PIBF1: variants seen among roughly 807,000 people sequenced by gnomAD.
PIBF1 encodes progesterone immunomodulatory binding factor 1, also known as progesterone-induced-blocking factor 1.
A neutral mutation model predicts 112.5 loss-of-function variants in PIBF1; 90 were observed. That is an observed-to-expected ratio of 0.80 (90% confidence interval 0.67 to 0.95). The LOEUF is 0.95. PIBF1 is among the 40% of genes least tolerant of loss of function. The pLI is 0.00. For synonymous variants in PIBF1, 301 were observed against 288.6 expected, an observed-to-expected ratio of 1.04 and a Z score of -0.44; for missense variants, 915 against 852.3, an observed-to-expected ratio of 1.07 and a Z score of -0.92.
intron 2 of PIBF1, among the ~76,000 whole-genome samples, chr13:72,787,169 A>G (rs1159380823): frequency 6.6e-6 from 1 of 152,252 alleles, no homozygotes; most frequent in African/African-American, 2.4e-5. Flanking sequence ...AAACAGCACT[A>G]CACACATGAT....
chr13:72,832,160 C>T (rs932403248), intron 8 of PIBF1, among the ~76,000 whole-genome samples: 2 of 117,576 alleles, frequency 1.7e-5, no homozygotes, highest in East Asian at 6.1e-4. Context: ...CTATATGTGT[C>T]TTTGCAAATG....
chr13:72,965,613 G>A (rs1264327639), intron 15 of PIBF1, among the ~76,000 whole-genome samples: 1 of 152,098 alleles, frequency 6.6e-6, no homozygotes, highest in Non-Finnish European at 1.5e-5. Flanking sequence ...TCTTAGCATG[G>A]AAATAACAAT....
chr13:72,965,998 A>G (rs1038310578), intron 15 of PIBF1, among the ~76,000 whole-genome samples: 4 of 152,214 alleles, frequency 2.6e-5, no homozygotes, highest in African/African-American at 9.6e-5. Context: ...AAGAATGAAG[A>G]TATGTGTAAA....
chr13:72,878,944 G>A lies in PIBF1; in HGVS notation c.1323-14840G>A, dbSNP rs117280062. 8.1e-3 allele frequency among the ~76,000 whole-genome samples: 1,230 copies of A among 152,166 alleles called. 9 individuals are homozygous for A. The highest frequency in any genetic ancestry group is 0.027 in the Middle Eastern group (8 of 294). ...GCAAGCTACTCCCAGTTTCTTTTGAGTAGTGTTATAATGGTATATTTTTCT... is the reference window on the plus strand; with the variant it reads ...GCAAGCTACTCCCAGTTTCTTTTGAATAGTGTTATAATGGTATATTTTTCT... On this transcript the variant is annotated intron_variant, in intron 10 of 17. Transcript: ENST00000326291.
At chr13:73,002,396 A>G (rs1466004866) in intron 17 of PIBF1, among the ~76,000 whole-genome samples, 1 of 151,956 alleles carries the variant, frequency 6.6e-6, no homozygotes, top group Non-Finnish European at 1.5e-5. Context: ...CCCACTAATC[A>G]CCTACTTTCA....
chr13:72,928,016 C>CACACATATACATAT lies in PIBF1; in HGVS notation c.1731-3148_1731-3147insCACATATACATATA, dbSNP rs1566458475. Among the ~76,000 whole-genome samples the CACACATATACATAT allele has an allele frequency of 3.9e-3, 210 of 53,928 alleles. 7 individuals carry two copies. The highest frequency in any genetic ancestry group is 0.012 in the African/African-American group (184 of 15,524). The allele number at this position is 53,928 out of a possible 152,430, so 35.4% of individuals were successfully genotyped here. The stretch of plus-strand genomic sequence containing the variant: ...ACACACATATATATACATATATATA[C>CACACATATACATAT]ATATATATACATATATATATATATA... On this transcript the variant is annotated intron_variant, in intron 13 of 17. Transcript: ENST00000326291.
intron 5 of PIBF1, among the ~76,000 whole-genome samples, chr13:72,805,378 G>A (rs1337287055): frequency 1.3e-5 from 2 of 152,086 alleles, no homozygotes; most frequent in African/African-American, 2.4e-5. Flanking sequence ...TCCTGACCTC[G>A]TCATCCGCCC....
chr13:72,897,018 C>G (rs938338685), intron 11 of PIBF1, among the ~76,000 whole-genome samples: 1 of 152,032 alleles, frequency 6.6e-6, no homozygotes, highest in South Asian at 2.1e-4. Flanking sequence ...AAAGTTAAGA[C>G]GAAGGAAAGA....
rs200956787 is a variant in PIBF1 at position 72,835,277 on chromosome 13, C to T, written c.1132C>T (p.His378Tyr). Residue 378 changes from histidine to tyrosine, a missense_variant, in exon 9 of 18, where the codon CAT becomes TAT. Coordinates refer to ENST00000326291, the MANE Select transcript of PIBF1 (RefSeq NM_006346.4). Reference protein sequence around the residue: ...HYKTEYENKLHDELEQIRLKT... With the variant: ...HYKTEYENKLYDELEQIRLKT... ...TAAAACAGAATATGAAAATAAACTA[C>T]ATGATGAACTAGAACAAATCAGATT... 119 of 1,582,172 alleles carry T rather than the reference C, an allele frequency of 7.5e-5. 3 individuals carry two copies. In the South Asian group the frequency reaches 1.3e-3, roughly 17 times the overall value.
intron 17 of PIBF1, among the ~76,000 whole-genome samples, chr13:73,007,526 T>A (rs1228722143): frequency 5.3e-5 from 8 of 152,114 alleles, no homozygotes; most frequent in Non-Finnish European, 7.4e-5. Context: ...CCTTTTAAAC[T>A]AGGCCAGGCG....
At position 72,844,804 on chromosome 13, in the gene PIBF1, T is replaced by G. The variant is rs191804413; in HGVS notation, c.1224-9253T>G. On this transcript the variant is annotated intron_variant, in intron 9 of 17. Transcript: ENST00000326291. Reference sequence around the variant, plus strand: ...ACACACACACACACACACACACGGATGAAGTCTTACTGTTTTGCCCAGGCT... The same window carrying G: ...ACACACACACACACACACACACGGAGGAAGTCTTACTGTTTTGCCCAGGCT... Among the ~76,000 whole-genome samples the G allele has an allele frequency of 3.0e-4, 23 of 75,820 alleles. 1 individual carries two copies. In the East Asian group the frequency reaches 9.7e-3, roughly 32 times the overall value. 49.7% of individuals were successfully genotyped at this position (75,820 alleles called of 152,430 possible).
At chr13:73,006,146 T>A (rs2044028128) in intron 17 of PIBF1, among the ~76,000 whole-genome samples, 3 of 152,058 alleles carry the variant, frequency 2.0e-5, no homozygotes. Context: ...CTCGAACTCT[T>A]GACCTCAAGT....
chr13:72,849,068 T>A (rs1330303375), intron 9 of PIBF1, among the ~76,000 whole-genome samples: 1 of 152,224 alleles, frequency 6.6e-6, no homozygotes, highest in Non-Finnish European at 1.5e-5. Flanking sequence ...ACATAGTATT[T>A]ATTTAAGATT....
intron 9 of PIBF1, among the ~76,000 whole-genome samples, chr13:72,838,279 T>G (rs1318569847): frequency 6.6e-6 from 1 of 152,156 alleles, no homozygotes; most frequent in Non-Finnish European, 1.5e-5. Context: ...ACAATTATCA[T>G]AAGTATGATG....
intron 14 of PIBF1, among the ~76,000 whole-genome samples, chr13:72,946,504 C>G (rs1246015375): frequency 6.6e-6 from 1 of 152,162 alleles, no homozygotes; most frequent in African/African-American, 2.4e-5. Context: ...TCCAACAGTT[C>G]CCCAAAGTCT....
intron 16 of PIBF1, among the ~76,000 whole-genome samples, chr13:72,981,262 A>C (rs2043149795): frequency 6.6e-6 from 1 of 151,056 alleles, no homozygotes; most frequent in African/African-American, 2.4e-5. Flanking sequence ...AAAAAAAATA[A>C]AATAAAATAA....
rs752932541 is a variant in PIBF1, at chr13:72,827,757, A to G, written c.940A>G (p.Thr314Ala). Residue 314 changes from threonine (T) to alanine (A), a missense_variant, in exon 8 of 18, where the codon ACT becomes GCT. Transcript: ENST00000326291. ...GGTAGTCACCTTAGAGCAAACTGTT[A>G]CTTTACTGCAAAAGGATAAAGAATA... Reference protein sequence around the residue: ...KEVVTLEQTVTLLQKDKEYLN... With the variant: ...KEVVTLEQTVALLQKDKEYLN... 2.5e-6 allele frequency: 4 copies of G among 1,589,808 alleles called. No individual in the cohort carries two copies. The South Asian group carries it at 4.7e-5, about 19-fold the overall frequency.
intron 11 of PIBF1, chr13:72,901,061 A>C (rs550261269): frequency 4.5e-6 from 2 of 445,062 alleles, no homozygotes; most frequent in African/African-American, 4.1e-5. Context: ...AACAAAAGCT[A>C]AATAGCTGGG....
intron 2 of PIBF1, among the ~76,000 whole-genome samples, chr13:72,787,452 GT>G (rs1023353800): frequency 5.8e-4 from 89 of 152,204 alleles, no homozygotes; most frequent in Non-Finnish European, 2.2e-4. Flanking sequence ...AGAGCTGTTT[GT>G]TTTCTTGGTG....
Sources: gnomAD v4.1 joint callset for allele counts (sites outside exome capture counted in the v4.1 genomes callset) on GRCh38, gnomAD v4.1.1 for gene constraint, MANE v1.5 for transcripts, NCBI Gene and HGNC (gene_info 2026-07-23, HGNC 2026-07-21) for gene names.